RAB31: variants seen among roughly 807,000 people sequenced by gnomAD.
RAB31 encodes the protein ras-related protein Rab-31.
RAB31 carries 21 observed loss-of-function variants against 25.6 expected under a neutral mutation model. That is an observed-to-expected ratio of 0.82 (90% CI 0.58 to 1.18). The LOEUF is 1.18. Ranked by LOEUF, RAB31 falls within the 50% of genes most tolerant of loss-of-function variation. RAB31 has a pLI of 0.00. For synonymous variants in RAB31, 87 were observed against 84.0 expected, an observed-to-expected ratio of 1.04 and a Z score of -0.20; for missense variants, 196 against 250.1, an observed-to-expected ratio of 0.78 and a Z score of 1.46.
At chr18:9,717,864 A>T (rs1360186710) in intron 1 of RAB31, among the ~76,000 whole-genome samples, 1 of 152,196 alleles carries the variant, frequency 6.6e-6, no homozygotes. Context: ...ATTTATGGCA[A>T]GGTTAATTAA....
chr18:9,766,304 T>C lies in RAB31; in HGVS notation c.40-8974T>C, dbSNP rs1599029963. Among the ~76,000 whole-genome samples, 1 of 152,226 alleles carries C rather than the reference T, an allele frequency of 6.6e-6. No homozygotes were observed. The highest frequency in any genetic ancestry group is 1.9e-4 in the East Asian group (1 of 5,174). ...GCGCCTTCCTGCGTGACCTCATCTC[T>C]GCATCTGCGAGCTCCATCTGCCCCC... On this transcript the variant is annotated intron_variant, in intron 1 of 6. Transcript: ENST00000578921. The surrounding 1 kb of genome is among the most constrained non-coding windows in gnomAD (Gnocchi z 4.3).
At chr18:9,858,999 C>G (rs1203173383) in intron 6 of RAB31, among the ~76,000 whole-genome samples, 1 of 152,020 alleles carries the variant, frequency 6.6e-6, no homozygotes, top group East Asian at 1.9e-4. Context: ...CTGTTCCTTA[C>G]CTGAACTTCC....
chr18:9,730,039 C>T (rs755958199), intron 1 of RAB31, among the ~76,000 whole-genome samples: 4 of 152,012 alleles, frequency 2.6e-5, no homozygotes, highest in South Asian at 2.1e-4. Flanking sequence ...AAAAAATGAT[C>T]GTACATAAAA....
chr18:9,797,856 C>T (rs1212446332), intron 3 of RAB31, among the ~76,000 whole-genome samples: 2 of 152,182 alleles, frequency 1.3e-5, no homozygotes, highest in African/African-American at 4.8e-5. Context: ...TTAACACTTA[C>T]CTCTAACAGG....
intron 3 of RAB31, among the ~76,000 whole-genome samples, chr18:9,813,059 A>G (rs866701656): frequency 6.6e-6 from 1 of 152,214 alleles, no homozygotes; most frequent in African/African-American, 2.4e-5. Context: ...TCTCCAAAAT[A>G]TACATAAAAT....
At chr18:9,817,728 G>A (rs191694256) in intron 5 of RAB31, among the ~76,000 whole-genome samples, 18 of 152,310 alleles carry the variant, frequency 1.2e-4, no homozygotes, top group African/African-American at 3.8e-4. Flanking sequence ...TGTGTTTCGG[G>A]GTGGAATTTG....
At chr18:9,776,151 G>T (rs143394228) in intron 2 of RAB31, among the ~76,000 whole-genome samples, 149 of 152,294 alleles carry the variant, frequency 9.8e-4, no homozygotes, top group African/African-American at 3.3e-3. Context: ...GGGTGGAAGT[G>T]CATTGTTAAA....
At chr18:9,854,061 A>G (rs909052164) in intron 6 of RAB31, among the ~76,000 whole-genome samples, 1 of 149,290 alleles carries the variant, frequency 6.7e-6, no homozygotes, top group African/African-American at 2.5e-5. Flanking sequence ...TGCTGCACGT[A>G]TCAACACGTC....
chr18:9,745,968 A>G (rs1407050851), intron 1 of RAB31, among the ~76,000 whole-genome samples: 3 of 152,254 alleles, frequency 2.0e-5, no homozygotes, highest in Non-Finnish European at 4.4e-5. Flanking sequence ...ATAGAGAAGA[A>G]AGAAGTAAAA....
At chr18:9,857,482 T>A (rs1009656671) in intron 6 of RAB31, among the ~76,000 whole-genome samples, 2 of 152,066 alleles carry the variant, frequency 1.3e-5, no homozygotes, top group African/African-American at 4.8e-5. Context: ...CTGTACTGTT[T>A]TCTAAGCAAA....
chr18:9,805,940 C>T (rs1174329960), intron 3 of RAB31, among the ~76,000 whole-genome samples: 2 of 151,826 alleles, frequency 1.3e-5, no homozygotes, highest in Admixed American at 6.6e-5. Context: ...TTTGGGAGGC[C>T]GAGGCGGGCG....
chr18:9,805,195 G>T (rs749868585), intron 3 of RAB31, among the ~76,000 whole-genome samples: 31 of 151,960 alleles, frequency 2.0e-4, no homozygotes, highest in Admixed American at 5.2e-4. Flanking sequence ...GGTTGAGGCT[G>T]CAGTGAGCCG....
intron 1 of RAB31, among the ~76,000 whole-genome samples, chr18:9,745,596 G>T (rs1482035257): frequency 1.3e-5 from 2 of 152,084 alleles, no homozygotes; most frequent in Non-Finnish European, 2.9e-5. Flanking sequence ...ATGACCAGAT[G>T]GGGTTTATCC....
chr18:9,792,262 A>G, intron 3 of RAB31, 27 bp downstream of exon 3: 1 of 1,594,432 alleles, frequency 6.3e-7, no homozygotes, highest in Non-Finnish European at 8.6e-7. Context: ...TTTTGGTGAA[A>G]ACAAGATCCA....
intron 1 of RAB31, among the ~76,000 whole-genome samples, chr18:9,771,942 A>G (rs2068347414): frequency 6.6e-6 from 1 of 152,220 alleles, no homozygotes; most frequent in African/African-American, 2.4e-5. Flanking sequence ...TGTTTGAAAA[A>G]TCAGTGCTTA....
chr18:9,845,842 A>G lies in RAB31; in HGVS notation c.490+151A>G, dbSNP rs140003514. 2.4e-3 allele frequency: 2,859 copies of G among 1,202,422 alleles called. 8 individuals carry two copies. The highest frequency in any genetic ancestry group is 2.9e-3 in the Non-Finnish European group (2,648 of 910,760). The allele number at this position is 1,202,422 out of a possible 1,614,324, so 74.5% of individuals were successfully genotyped here. A position where few individuals can be genotyped will look rare whatever the true frequency, so the allele number is the denominator to read the frequency against. ...CAAAATCTACAGCTATGCAGTTGTTAATACCCACTTCTATTATCCTCTCGA... is the reference window on the plus strand; with the variant it reads ...CAAAATCTACAGCTATGCAGTTGTTGATACCCACTTCTATTATCCTCTCGA... On this transcript the variant is annotated intron_variant, in intron 6 of 6. Transcript: ENST00000578921.
chr18:9,846,388 T>C (rs140126590), intron 6 of RAB31, among the ~76,000 whole-genome samples: 182 of 152,366 alleles, frequency 1.2e-3, no homozygotes, highest in African/African-American at 4.0e-3. Context: ...GTTCTCTGGT[T>C]GTGTCATTCT....
At chr18:9,719,255 G>C (rs1239343540) in intron 1 of RAB31, among the ~76,000 whole-genome samples, 1 of 92,466 alleles carries the variant, frequency 1.1e-5, no homozygotes, top group Non-Finnish European at 1.9e-5. Context: ...GGGTGACAGA[G>C]CAAGACTCTG....
chr18:9,850,832 C>CT (rs1295910265), intron 6 of RAB31, among the ~76,000 whole-genome samples: 2 of 151,996 alleles, frequency 1.3e-5, no homozygotes, highest in Non-Finnish European at 2.9e-5. Context: ...TGCCACCGCC[C>CT]TGCAGCCTGG....
Sources: allele counts gnomAD v4.1 joint callset (sites outside exome capture counted in the v4.1 genomes callset), GRCh38; gene constraint gnomAD v4.1.1; non-coding constraint Gnocchi (gnomAD v3.1); transcripts MANE v1.5; gene names NCBI Gene and HGNC (gene_info 2026-07-23, HGNC 2026-07-21).